CSNK2A1: variants seen among roughly 807,000 people sequenced by gnomAD.
The protein encoded by CSNK2A1 is casein kinase II subunit alpha.
A neutral mutation model predicts 62.9 loss-of-function variants in CSNK2A1; 10 were observed. The observed-to-expected ratio is 0.16, with a 90% CI of 0.10 to 0.27. The LOEUF (loss-of-function observed/expected upper bound fraction) is 0.27. Ranked by LOEUF, CSNK2A1 falls within the 10% of genes least tolerant of loss-of-function variation. CSNK2A1 has a pLI of 1.00. For missense variants in CSNK2A1, 160 were observed against 492.0 expected, an observed-to-expected ratio of 0.33 and a Z score of 6.38; for synonymous variants, 124 against 167.8, an observed-to-expected ratio of 0.74 and a Z score of 2.02.
chr20:500,432 A>C, intron 4 of CSNK2A1: 1 of 160,858 alleles, frequency 6.2e-6, no homozygotes, highest in Non-Finnish European at 1.4e-5. Context: ...CACAATGCCC[A>C]ATGTGAAACC....
chr20:543,490 GC>G (rs2019498120), intron 1 of CSNK2A1, 181 bp downstream of exon 1: 1 of 387,090 alleles, frequency 2.6e-6, no homozygotes, highest in Non-Finnish European at 4.6e-6. Context: ...CTGAGGGGTG[GC>G]CCCTGGGCCT....
chr20:518,977 C>A (rs2018888433), intron 2 of CSNK2A1, among the ~76,000 whole-genome samples: 1 of 150,060 alleles, frequency 6.7e-6, no homozygotes, highest in African/African-American at 2.5e-5. Flanking sequence ...GTTCTGCCAC[C>A]CAGGTTAGAG....
At chr20:486,025 C>T (rs2018090514) in intron 13 of CSNK2A1, among the ~76,000 whole-genome samples, 1 of 152,168 alleles carries the variant, frequency 6.6e-6, no homozygotes, top group Admixed American at 6.6e-5. Context: ...TGTATAAACC[C>T]CACCTCTATA....
rs754568861 is a variant in CSNK2A1, at chr20:529,063, C to T, written c.-226-1014G>A. Reference sequence around the variant, plus strand: ...TATTTTCCATGTTTGTTTTTAGAGACGAGGATTCACTCAGTCACCCAGGCT... The same window carrying T: ...TATTTTCCATGTTTGTTTTTAGAGATGAGGATTCACTCAGTCACCCAGGCT... On this transcript the variant is annotated intron_variant, in intron 1 of 13. Transcript: ENST00000217244. Among the ~76,000 whole-genome samples the T allele has an allele frequency of 7.2e-5, 11 of 152,010 alleles. No individual in the cohort carries two copies. In the South Asian group the frequency reaches 8.3e-4, roughly 11 times the overall value.
chr20:505,304 A>G (rs887508272), intron 3 of CSNK2A1, 75 bp from the exon 4 acceptor site: 30 of 981,682 alleles, frequency 3.1e-5, no homozygotes, highest in Admixed American at 2.1e-4. Context: ...ATCTATTACC[A>G]GCAGCTGTAA....
chr20:479,747 T>C lies in CSNK2A1; in HGVS notation c.*4214A>G, dbSNP rs1053287237. 4.6e-5 allele frequency: 7 copies of C among 152,236 alleles called. No homozygotes were observed. Among genetic ancestry groups the C allele is most frequent in the Admixed American group, 6.5e-5 (1 of 15,282 alleles). The allele number at this position is 152,236 out of a possible 1,614,324, so 9.4% of individuals were successfully genotyped here. The stretch of plus-strand genomic sequence containing the variant: ...AACATCTTGTGACACCATCTACATA[T>C]GTTTTACTTGGAGAATAGTCTGAAT... On this transcript the variant is annotated 3_prime_UTR_variant, in exon 14 of 14. Transcript: ENST00000217244.
chr20:512,186 T>C (rs6116344), intron 2 of CSNK2A1, among the ~76,000 whole-genome samples: 17,021 of 151,952 alleles, frequency 0.11, 1,183 homozygotes, highest in African/African-American at 0.19. Context: ...GGCCTATTTT[T>C]TGGTTTTCTT....
chr20:528,562 T>C (rs1486360794), intron 1 of CSNK2A1, among the ~76,000 whole-genome samples: 1 of 152,162 alleles, frequency 6.6e-6, no homozygotes, highest in East Asian at 1.9e-4. Flanking sequence ...ACCATAGGCA[T>C]ACACTACTGT....
At chr20:497,686 ATTTAAAAAATAT>A (rs765948852) in intron 7 of CSNK2A1, 23 bp downstream of exon 7, 8 of 1,549,770 alleles carry the variant, frequency 5.2e-6, no homozygotes, top group Non-Finnish European at 7.1e-6. Flanking sequence ...AAGAAGACCA[ATTTAAAAAATAT>A]TTAGTATTCA....
intron 3 of CSNK2A1, chr20:507,624 T>C (rs189825846): frequency 6.6e-6 from 1 of 152,320 alleles, no homozygotes; most frequent in East Asian, 1.9e-4. Flanking sequence ...ACATGCCTAG[T>C]CTCAGGATAA....
chr20:537,291 C>T (rs540571322), intron 1 of CSNK2A1, among the ~76,000 whole-genome samples: 1 of 152,162 alleles, frequency 6.6e-6, no homozygotes, highest in African/African-American at 2.4e-5. Flanking sequence ...ACAATATTTT[C>T]TATGCAAGAA....
rs2017965503 is a variant in CSNK2A1, at chr20:482,038, G to A, written c.*1923C>T. On this transcript the variant is annotated 3_prime_UTR_variant, in exon 14 of 14. Transcript: ENST00000217244. The stretch of plus-strand genomic sequence containing the variant: ...AGAAGCGCTATAAAAGGAGGCTTTA[G>A]CGTCCTCTAAAGTTTACCATTATAT... The A allele has an allele frequency of 6.6e-6, 1 of 152,198 alleles. No homozygotes were observed. Among genetic ancestry groups the A allele is most frequent in the Non-Finnish European group, 1.5e-5 (1 of 68,034 alleles). The allele number at this position is 152,198 out of a possible 1,614,324, so 9.4% of individuals were successfully genotyped here.
intron 1 of CSNK2A1, among the ~76,000 whole-genome samples, chr20:542,822 C>T (rs2019481678): frequency 6.6e-6 from 1 of 152,234 alleles, no homozygotes; most frequent in African/African-American, 2.4e-5. Context: ...TAATTTGCCA[C>T]CTTCTTTTCA....
intron 11 of CSNK2A1, chr20:488,414 C>T: frequency 2.8e-6 from 1 of 355,424 alleles, no homozygotes; most frequent in Non-Finnish European, 5.1e-6. Context: ...CAACTGTAAC[C>T]CTTCTACTAG....
chr20:538,773 T>TA (rs1174841872), intron 1 of CSNK2A1, among the ~76,000 whole-genome samples: 2 of 152,014 alleles, frequency 1.3e-5, no homozygotes. Flanking sequence ...CCATCTCCTC[T>TA]AAAAAAATAT....
At chr20:514,239 T>C (rs1568540585) in intron 2 of CSNK2A1, among the ~76,000 whole-genome samples, 1 of 151,746 alleles carries the variant, frequency 6.6e-6, no homozygotes, top group Non-Finnish European at 1.5e-5. Flanking sequence ...AGGTACTTGG[T>C]AGGCTGAGAT....
rs754815558 is a variant in CSNK2A1 at position 486,387 on chromosome 20, T to C, written c.1049A>G (p.Asn350Ser). 1.8e-5 allele frequency: 29 copies of C among 1,613,628 alleles called. No homozygotes were observed. Among genetic ancestry groups the C allele is most frequent in the Non-Finnish European group, 2.2e-5 (26 of 1,179,914 alleles). The change falls in exon 13 of 14, where the codon AAT becomes AGT. Residue 350 changes from asparagine (N) to serine (S), a missense_variant. Physicochemically the swap from Asn to Ser is conservative, Grantham distance 46. This residue lies in a region of CSNK2A1 where 51 missense variants were observed against 108.8 expected (regional missense o/e 0.47). Coordinates refer to ENST00000217244, the MANE Select transcript of CSNK2A1 (RefSeq NM_177559.3). ...PGGSTPVSSA[N>S]MMSGISSVPT... The stretch of plus-strand genomic sequence containing the variant: ...ACCAATGAACTGACCTGACATCATA[T>C]TGGCGCTGCTGACGGGCGTACTGCC...
At chr20:511,973 G>C (rs1320330995) in intron 2 of CSNK2A1, among the ~76,000 whole-genome samples, 2 of 152,110 alleles carry the variant, frequency 1.3e-5, no homozygotes, top group Non-Finnish European at 2.9e-5. Context: ...CTCCTATACA[G>C]CAACTGTATC....
intron 10 of CSNK2A1, chr20:489,175 T>A (rs1409707532): frequency 5.4e-6 from 1 of 186,840 alleles, no homozygotes; most frequent in Non-Finnish European, 1.1e-5. Context: ...AGCTATGAAC[T>A]ATCTGAGGGG....
Sources: allele counts gnomAD v4.1 joint callset (sites outside exome capture counted in the v4.1 genomes callset), GRCh38; gene constraint gnomAD v4.1.1; regional missense constraint gnomAD v4.1.1; transcripts MANE v1.5; gene names NCBI Gene and HGNC (gene_info 2026-07-23, HGNC 2026-07-21).